The following LRIG3 variants were observed in gnomAD, a reference collection of about 807,000 sequenced individuals.
LRIG3 encodes leucine rich repeats and immunoglobulin like domains 3.
LRIG3 carries 76 observed loss-of-function variants against 114.5 expected under a neutral mutation model. The ratio of observed to expected loss-of-function variants is 0.66; its 90% confidence interval spans 0.55 to 0.80. LRIG3 has a LOEUF of 0.80. LRIG3 is among the 30% of genes least tolerant of loss of function. The probability of loss-of-function intolerance (pLI) is 0.00; values close to 1 mark genes in which losing one functional copy is unlikely to be tolerated. For synonymous variants in LRIG3, 512 were observed against 519.8 expected (o/e 0.98, Z 0.20); for missense variants, 1,239 against 1,382.8 (o/e 0.90, Z 1.65).
chr12:58,903,261 T>A (rs2120954448), intron 3 of LRIG3, among the ~76,000 whole-genome samples: 1 of 152,340 alleles, frequency 6.6e-6, no homozygotes, highest in East Asian at 1.9e-4. Flanking sequence ...ATGATCGCCA[T>A]TCTAACTGGT....
At chr12:58,882,000 T>G in intron 12 of LRIG3, among the ~76,000 whole-genome samples, 1 of 152,316 alleles carries the variant, frequency 6.6e-6, no homozygotes, top group South Asian at 2.1e-4. Context: ...TGCCAAAAGC[T>G]TATTCAGTTC....
rs1565616939 is a variant in LRIG3 at position 58,888,307 on chromosome 12, GAATA to G, written c.947+18_947+21del. ...TGATCCCTGCTCTCAAACCTGAGGA[GAATA>G]AATAAAAGGCAACTCACAGCTCACT... On this transcript the variant is annotated intron_variant, in intron 7 of 18. Transcript: ENST00000320743. The G allele has an allele frequency of 8.1e-6, 13 of 1,607,984 alleles. No homozygotes were observed. Among genetic ancestry groups the G allele is most frequent in the Non-Finnish European group, 1.0e-5 (12 of 1,175,162 alleles).
intron 3 of LRIG3, among the ~76,000 whole-genome samples, chr12:58,893,241 G>C (rs1237608858): frequency 6.6e-6 from 1 of 152,174 alleles, no homozygotes; most frequent in Non-Finnish European, 1.5e-5. Flanking sequence ...AAAGCTTCTC[G>C]AAATAGTGTT....
Position 58,874,518 on chromosome 12 carries a change from C to CAG in LRIG3, c.2749_2750dup (p.Phe918CysfsTer15), listed in dbSNP as rs1870851173. ...TGGATCCCAAAAACGGACAAAGGAACAGATCTGTGGCAGCTTCCACATCAG... is the reference window on the plus strand; with the variant it reads ...TGGATCCCAAAAACGGACAAAGGAACAGAGATCTGTGGCAGCTTCCACATCAG... On this transcript the variant is annotated frameshift_variant, in exon 17 of 19. Coordinates refer to ENST00000320743, the MANE Select transcript of LRIG3 (RefSeq NM_153377.5). LOFTEE classifies it high-confidence loss of function. 6.2e-7 allele frequency: 1 copy of CAG among 1,614,178 alleles called. No homozygotes were observed. Among genetic ancestry groups the CAG allele is most frequent in the Non-Finnish European group, 8.5e-7 (1 of 1,180,038 alleles).
intron 3 of LRIG3, among the ~76,000 whole-genome samples, chr12:58,895,131 T>A (rs1293572880): frequency 6.6e-6 from 1 of 152,206 alleles, no homozygotes; most frequent in Non-Finnish European, 1.5e-5. Flanking sequence ...GACGCAAACA[T>A]GGCTTACCAT....
At chr12:58,872,866 A>T (rs1416159517) in intron 18 of LRIG3, 50 bp from the exon 19 acceptor site, 2 of 1,576,522 alleles carry the variant, frequency 1.3e-6, no homozygotes, top group Non-Finnish European at 8.6e-7. Flanking sequence ...CTAGCATGTG[A>T]ATCAATAAAA....
At chr12:58,874,026 C>A (rs746482468) in intron 18 of LRIG3, 29 bp downstream of exon 18, 1 of 1,611,708 alleles carries the variant, frequency 6.2e-7, no homozygotes, top group Admixed American at 1.7e-5. Flanking sequence ...GATCCTCAGA[C>A]GAGGTACCTG....
chr12:58,909,666 C>G (rs1872198116), intron 3 of LRIG3, among the ~76,000 whole-genome samples: 1 of 152,238 alleles, frequency 6.6e-6, no homozygotes, highest in African/African-American at 2.4e-5. Context: ...CACAATAACT[C>G]TATGAGATAG....
intron 3 of LRIG3, among the ~76,000 whole-genome samples, chr12:58,896,343 C>T (rs11172804): frequency 0.048 from 7,332 of 152,250 alleles, 216 homozygotes; most frequent in African/African-American, 0.053. Flanking sequence ...AACCTTCATG[C>T]TCTCTTAAGT....
intron 10 of LRIG3, among the ~76,000 whole-genome samples, chr12:58,884,087 G>T (rs952672892): frequency 2.0e-5 from 3 of 152,164 alleles, no homozygotes; most frequent in African/African-American, 7.2e-5. Flanking sequence ...AGCTCAGCAC[G>T]AAAGGGGAAG....
Position 58,874,411 on chromosome 12 carries a change from A to C in LRIG3, c.2839+19T>G. ...CTCTCTAAGAAACAGAACTGTACTC[A>C]AGCAAGAAAACCACCTACCTGTATG... On this transcript the variant is annotated intron_variant, in intron 17 of 18. Coordinates refer to ENST00000320743, the MANE Select transcript of LRIG3 (RefSeq NM_153377.5). 6.2e-7 allele frequency: 1 copy of C among 1,613,914 alleles called. No individual in the cohort carries two copies. The highest frequency in any genetic ancestry group is 1.1e-5 in the South Asian group (1 of 90,988).
rs1872374722 is a variant in LRIG3, at chr12:58,913,881, A to T, written c.383+101T>A. ...ATCTTTACTATGCCCTGAAAAAAAT[A>T]TTCCATTTTTTTCTTCTAAGATCTC... On this transcript the variant is annotated intron_variant, in intron 3 of 18. Coordinates refer to ENST00000320743, the MANE Select transcript of LRIG3 (RefSeq NM_153377.5). 1.5e-5 allele frequency: 15 copies of T among 1,020,732 alleles called. No homozygotes were observed. The Admixed American group carries it at 3.7e-4, about 25-fold the overall frequency. 63.2% of individuals were successfully genotyped at this position (1,020,732 alleles called of 1,614,324 possible). A position where few individuals can be genotyped will look rare whatever the true frequency, so the allele number is the denominator to read the frequency against.
intron 1 of LRIG3, among the ~76,000 whole-genome samples, chr12:58,917,483 G>C (rs1233674202): frequency 2.6e-5 from 4 of 152,026 alleles, no homozygotes; most frequent in African/African-American, 7.3e-5. Flanking sequence ...TTTAGACAAA[G>C]TCTCGCTCAC....
intron 16 of LRIG3, among the ~76,000 whole-genome samples, chr12:58,875,567 G>A (rs898004378): frequency 4.6e-5 from 7 of 152,172 alleles, no homozygotes; most frequent in East Asian, 1.9e-4. Flanking sequence ...TGTGCCTAGC[G>A]CCATGTAGTT....
chr12:58,912,067 T>C (rs539217769), intron 3 of LRIG3, among the ~76,000 whole-genome samples: 1 of 152,262 alleles, frequency 6.6e-6, no homozygotes, highest in South Asian at 2.1e-4. Flanking sequence ...TTATTCAGGG[T>C]GATTTCACAC....
At chr12:58,903,923 A>G (rs1437703104) in intron 3 of LRIG3, among the ~76,000 whole-genome samples, 1 of 151,902 alleles carries the variant, frequency 6.6e-6, no homozygotes, top group East Asian at 1.9e-4. Context: ...CCATTGATCT[A>G]TATCTCTGTT....
At chr12:58,911,557 C>A (rs748196301) in intron 3 of LRIG3, among the ~76,000 whole-genome samples, 1 of 152,144 alleles carries the variant, frequency 6.6e-6, no homozygotes, top group Non-Finnish European at 1.5e-5. Flanking sequence ...CCACAAAAAA[C>A]TCTTAATATG....
intron 15 of LRIG3, 102 bp from the exon 16 acceptor site, chr12:58,876,705 C>A (rs1870931155): frequency 1.7e-6 from 2 of 1,193,726 alleles, no homozygotes; most frequent in South Asian, 1.4e-5. Context: ...CTGTATACAT[C>A]AAATTAGGGG....
chr12:58,887,690 A>G, intron 8 of LRIG3, 99 bp downstream of exon 8: 1 of 1,242,926 alleles, frequency 8.0e-7, no homozygotes, highest in South Asian at 1.3e-5. Flanking sequence ...CTGAGGCTGT[A>G]TGCATTTCCT....
Sources: gnomAD v4.1 joint callset for allele counts (sites outside exome capture counted in the v4.1 genomes callset) on GRCh38, gnomAD v4.1.1 for gene constraint, MANE v1.5 for transcripts, NCBI Gene and HGNC (gene_info 2026-07-23, HGNC 2026-07-21) for gene names.